DMD: variants seen among roughly 807,000 people sequenced by gnomAD.
DMD encodes the protein mutant dystrophin.
A neutral mutation model predicts 330.1 loss-of-function variants in DMD; 63 were observed. That is an observed-to-expected ratio of 0.19 (90% CI 0.16 to 0.24). The LOEUF is 0.24. Ranked by LOEUF, DMD falls within the 10% of genes least tolerant of loss-of-function variation. DMD has a pLI of 1.00. For missense variants in DMD, 3,344 were observed against 2,684.1 expected (o/e 1.25, Z -5.43); for synonymous variants, 1,223 against 959.8 (o/e 1.27, Z -5.07).
Position 32,027,354 on chromosome X carries a change from G to A in DMD, c.6439-58840C>T, listed in dbSNP as rs1216770543. 2.7e-5 allele frequency among the ~76,000 whole-genome samples: 3 copies of A among 111,309 alleles called. No homozygotes were observed. In the East Asian group the frequency reaches 8.5e-4, roughly 32 times the overall value. On this transcript the variant is annotated intron_variant, in intron 44 of 78. Coordinates refer to ENST00000357033, the MANE Select transcript of DMD (RefSeq NM_004006.3). Reference sequence around the variant, plus strand: ...CTCCCTTAAACATGTAGAAGACAAAGTAAGTCCTGGCAGAGAAAAAAAGCT... The same window carrying A: ...CTCCCTTAAACATGTAGAAGACAAAATAAGTCCTGGCAGAGAAAAAAAGCT...
chrX:32,703,268 C>G (rs2064299681), intron 7 of DMD, among the ~76,000 whole-genome samples: 1 of 111,713 alleles, frequency 9.0e-6, no homozygotes, highest in Non-Finnish European at 1.9e-5. Context: ...AGCATTCCCT[C>G]TTATTTAAGA....
intron 57 of DMD, among the ~76,000 whole-genome samples, chrX:31,483,203 C>A (rs948940062): frequency 3.7e-5 from 4 of 108,380 alleles, no homozygotes; most frequent in Non-Finnish European, 7.6e-5. Context: ...CCCGCCACCA[C>A]GCCCAGCTAA....
At chrX:32,510,247 T>A (rs2045144893) in intron 18 of DMD, among the ~76,000 whole-genome samples, 1 of 111,611 alleles carries the variant, frequency 9.0e-6, no homozygotes. Flanking sequence ...CACGCTTACC[T>A]TTTCCCTGAT....
intron 1 of DMD, among the ~76,000 whole-genome samples, chrX:33,053,321 C>A (rs1267845942): frequency 9.0e-6 from 1 of 111,149 alleles, no homozygotes; most frequent in African/African-American, 3.3e-5. Flanking sequence ...GTGGGCCGGG[C>A]GCGGTGGCTC....
chrX:31,886,953 T>C (rs1309034745), intron 47 of DMD, among the ~76,000 whole-genome samples: 1 of 111,851 alleles, frequency 8.9e-6, no homozygotes, highest in African/African-American at 3.2e-5. Context: ...GTGCCCAACA[T>C]ATCTATCAAC....
At chrX:31,219,337 C>A (rs1469531635) in intron 64 of DMD, among the ~76,000 whole-genome samples, 4 of 111,130 alleles carry the variant, frequency 3.6e-5, no homozygotes, top group Non-Finnish European at 5.7e-5. Flanking sequence ...AAATACCACA[C>A]CCCTGCAGAT....
At chrX:32,856,242 C>G (rs1236572765) in intron 2 of DMD, among the ~76,000 whole-genome samples, 1 of 111,731 alleles carries the variant, frequency 9.0e-6, no homozygotes, top group Non-Finnish European at 1.9e-5. Flanking sequence ...CTGTGAAGAA[C>G]TGTTTGAGGT....
intron 48 of DMD, among the ~76,000 whole-genome samples, chrX:31,857,976 A>G (rs2093642713): frequency 9.1e-6 from 1 of 110,377 alleles, no homozygotes; most frequent in Admixed American, 9.8e-5. Context: ...AATAGGGGGG[A>G]AAATGATGTG....
In DMD at chrX:33,196,622, G is replaced by C. The variant is rs147524183; in HGVS notation, c.31+14660C>G. On this transcript the variant is annotated intron_variant, in intron 1 of 78. Coordinates refer to ENST00000357033, the MANE Select transcript of DMD (RefSeq NM_004006.3). ...TTAGAGTTATATACATTAGTTATTTGTGATTAACAATAATAGTTAAAATAA... is the reference window on the plus strand; with the variant it reads ...TTAGAGTTATATACATTAGTTATTTCTGATTAACAATAATAGTTAAAATAA... 9.1e-4 allele frequency among the ~76,000 whole-genome samples: 102 copies of C among 111,951 alleles called. No individual in the cohort carries two copies. In the East Asian group the frequency reaches 0.027, roughly 30 times the overall value.
intron 55 of DMD, among the ~76,000 whole-genome samples, chrX:31,552,142 T>A (rs1412856526): frequency 8.9e-6 from 1 of 111,884 alleles, no homozygotes; most frequent in Admixed American, 9.5e-5. Context: ...CTCCTGCATA[T>A]AGAAACTGCT....
intron 2 of DMD, among the ~76,000 whole-genome samples, chrX:32,924,682 C>T (rs959111905): frequency 9.0e-6 from 1 of 111,706 alleles, no homozygotes; most frequent in African/African-American, 3.3e-5. Context: ...CTGATTTTCT[C>T]CTCTGAAAGA....
At chrX:33,328,506 T>G (rs1441411832) in intron 1 of DMD, among the ~76,000 whole-genome samples, 4 of 111,469 alleles carry the variant, frequency 3.6e-5, no homozygotes, top group African/African-American at 1.3e-4. Flanking sequence ...CATACAGGTT[T>G]AAATATTGCA....
chrX:32,294,135 T>A (rs1305388484), intron 42 of DMD, among the ~76,000 whole-genome samples: 2 of 111,611 alleles, frequency 1.8e-5, no homozygotes, highest in Non-Finnish European at 3.8e-5. Flanking sequence ...TCTGAATTCT[T>A]TTAAGTCACT....
chrX:32,198,007 G>A (rs190682357), intron 44 of DMD, among the ~76,000 whole-genome samples: 9 of 111,706 alleles, frequency 8.1e-5, no homozygotes, highest in Non-Finnish European at 1.5e-4. Flanking sequence ...TAAAAAAGGC[G>A]TTGTTTAATT....
intron 7 of DMD, among the ~76,000 whole-genome samples, chrX:32,723,300 C>G (rs2066522247): frequency 9.0e-6 from 1 of 110,913 alleles, no homozygotes; most frequent in Admixed American, 9.6e-5. Flanking sequence ...GGTTTATAAT[C>G]CAATGTGTTA....
chrX:32,450,804 T>C (rs1403586421), intron 26 of DMD, among the ~76,000 whole-genome samples: 1 of 111,092 alleles, frequency 9.0e-6, no homozygotes, highest in African/African-American at 3.3e-5. Flanking sequence ...CAAGCAACTA[T>C]ATAAAAATGT....
intron 5 of DMD, among the ~76,000 whole-genome samples, chrX:32,818,387 A>T (rs1235379228): frequency 2.7e-5 from 3 of 111,433 alleles, no homozygotes; most frequent in African/African-American, 6.5e-5. Context: ...AGACAAAAAA[A>T]AATAATAAAG....
At chrX:32,039,036 G>A (rs974872497) in intron 44 of DMD, among the ~76,000 whole-genome samples, 1 of 111,224 alleles carries the variant, frequency 9.0e-6, no homozygotes, top group Non-Finnish European at 1.9e-5. Context: ...ATAAGTTACT[G>A]ATCTTCTCTG....
chrX:31,473,720 A>AAAAAAAAAAAAAAAAAAAAAAAG (rs1310270784), intron 59 of DMD, among the ~76,000 whole-genome samples: 15 of 104,336 alleles, frequency 1.4e-4, no homozygotes, highest in East Asian at 6.4e-4. Context: ...TCAAAAAAAA[A>AAAAAAAAAAAAAAAAAAAAAAAG]AAAAAAAAGA....
Sources: gnomAD v4.1 joint callset for allele counts (sites outside exome capture counted in the v4.1 genomes callset) on GRCh38, gnomAD v4.1.1 for gene constraint, MANE v1.5 for transcripts, NCBI Gene and HGNC (gene_info 2026-07-23, HGNC 2026-07-21) for gene names.